ARL5A: variants seen among roughly 807,000 people sequenced by gnomAD.
ARL5A encodes ADP-ribosylation factor-like protein 5A.
In ARL5A, 18 loss-of-function variants were observed where a neutral mutation model predicts 25.9. The observed-to-expected ratio is 0.69, with a 90% CI of 0.48 to 1.03. The LOEUF (loss-of-function observed/expected upper bound fraction) is 1.03. Ranked by LOEUF, ARL5A falls within the 50% of genes least tolerant of loss-of-function variation. The pLI is 0.00. For synonymous variants in ARL5A, 61 were observed against 67.5 expected (o/e 0.90, Z 0.47); for missense variants, 170 against 211.9 (o/e 0.80, Z 1.23).
Position 151,799,108 on chromosome 2 carries a change from T to G in ARL5A, c.*4168A>C, listed in dbSNP as rs2151289602. ...ATTTCTGGCTTTCTTTCCTTTTTAC[T>G]CTATTATCATGGTCTTAAAATAATC... On this transcript the variant is annotated 3_prime_UTR_variant, in exon 6 of 6. Coordinates refer to ENST00000295087, the MANE Select transcript of ARL5A (RefSeq NM_012097.4). 1 of 152,352 alleles carries G rather than the reference T, an allele frequency of 6.6e-6. No individual in the cohort carries two copies. The highest frequency in any genetic ancestry group is 1.5e-5 in the Non-Finnish European group (1 of 68,036). 9.4% of individuals were successfully genotyped at this position (152,352 alleles called of 1,614,324 possible).
intron 1 of ARL5A, among the ~76,000 whole-genome samples, chr2:151,817,808 C>T (rs2099831718): frequency 6.6e-6 from 1 of 152,160 alleles, no homozygotes; most frequent in Non-Finnish European, 1.5e-5. Context: ...GAGTTCAAGA[C>T]CAACATGACC....
At chr2:151,817,434 T>C (rs893377802) in intron 1 of ARL5A, among the ~76,000 whole-genome samples, 1 of 152,240 alleles carries the variant, frequency 6.6e-6, no homozygotes, top group Non-Finnish European at 1.5e-5. Flanking sequence ...TAATAAATGT[T>C]GAGGATTATA....
chr2:151,819,700 T>C (rs1559822520), intron 1 of ARL5A, among the ~76,000 whole-genome samples: 1 of 151,328 alleles, frequency 6.6e-6, no homozygotes, highest in East Asian at 1.9e-4. Context: ...ATTCCAAACC[T>C]GGTGCTTTTC....
intron 1 of ARL5A, among the ~76,000 whole-genome samples, chr2:151,826,417 T>G (rs1373581155): frequency 1.3e-5 from 2 of 152,208 alleles, no homozygotes; most frequent in Non-Finnish European, 2.9e-5. Flanking sequence ...CCCTTATTAT[T>G]TACTACTCCA....
At chr2:151,807,715 A>C (rs773989279) in intron 4 of ARL5A, among the ~76,000 whole-genome samples, 37 of 152,300 alleles carry the variant, frequency 2.4e-4, no homozygotes, top group Middle Eastern at 6.8e-3. Flanking sequence ...TTAGATTTGA[A>C]TATGTAATAC....
chr2:151,827,798 G>C (rs1407921309), intron 1 of ARL5A: 1 of 346,980 alleles, frequency 2.9e-6, no homozygotes, highest in East Asian at 8.4e-5. Context: ...GCAAAGAAAG[G>C]GCTGAAAGAC....
At chr2:151,822,817 A>AAT (rs1413482816) in intron 1 of ARL5A, among the ~76,000 whole-genome samples, 2 of 152,244 alleles carry the variant, frequency 1.3e-5, no homozygotes, top group African/African-American at 4.8e-5. Flanking sequence ...GTTACCAATT[A>AAT]GGCTTTAACA....
chr2:151,805,753 G>A (rs1375826569), intron 5 of ARL5A, among the ~76,000 whole-genome samples: 4 of 152,076 alleles, frequency 2.6e-5, no homozygotes, highest in Non-Finnish European at 5.9e-5. Context: ...AACAGTTATT[G>A]TAAACATATA....
At chr2:151,809,740 C>T (rs1045556680) in intron 4 of ARL5A, among the ~76,000 whole-genome samples, 1 of 152,196 alleles carries the variant, frequency 6.6e-6, no homozygotes, top group South Asian at 2.1e-4. Context: ...TTGCAAGACA[C>T]ATTTACTTAG....
At position 151,814,783 on chromosome 2, in the gene ARL5A, C is replaced by T. The variant is rs551368176; in HGVS notation, c.107+356G>A. Among the ~76,000 whole-genome samples the T allele has an allele frequency of 2.6e-5, 4 of 151,768 alleles. 1 individual carries two copies. The highest frequency in any genetic ancestry group is 9.7e-5 in the African/African-American group (4 of 41,370). Reference sequence around the variant, plus strand: ...AAGAGATGGCATCTCACTATGTGACCCAAGCGGTTTCTCAAAGTCCTGGCT... The same window carrying T: ...AAGAGATGGCATCTCACTATGTGACTCAAGCGGTTTCTCAAAGTCCTGGCT... On this transcript the variant is annotated intron_variant, in intron 2 of 5. Transcript: ENST00000295087.
intron 5 of ARL5A, among the ~76,000 whole-genome samples, chr2:151,804,168 A>G (rs1305286071): frequency 2.6e-5 from 4 of 152,242 alleles, no homozygotes; most frequent in Non-Finnish European, 5.9e-5. Context: ...CACATGTTAC[A>G]TAAATATTAT....
rs1444644589 is a variant in ARL5A at position 151,799,618 on chromosome 2, A to T, written c.*3658T>A. The T allele has an allele frequency of 6.6e-6, 1 of 152,244 alleles. No homozygotes were observed. The highest frequency in any genetic ancestry group is 1.5e-5 in the Non-Finnish European group (1 of 68,034). 9.4% of individuals were successfully genotyped at this position (152,244 alleles called of 1,614,324 possible). A position where few individuals can be genotyped will look rare whatever the true frequency, so the allele number is the denominator to read the frequency against. On this transcript the variant is annotated 3_prime_UTR_variant, in exon 6 of 6. Transcript: ENST00000295087. Reference sequence around the variant, plus strand: ...AACATGTGAAGTTAAATTAAGAAGCATGAAAATGTTAAATATAATTTAAAG... The same window carrying T: ...AACATGTGAAGTTAAATTAAGAAGCTTGAAAATGTTAAATATAATTTAAAG...
chr2:151,825,877 C>G (rs934189634), intron 1 of ARL5A, among the ~76,000 whole-genome samples: 2 of 151,396 alleles, frequency 1.3e-5, no homozygotes, highest in Non-Finnish European at 2.9e-5. Flanking sequence ...GTAATCCCAG[C>G]ACTTTGGGAG....
In ARL5A at chr2:151,800,118, G is replaced by A. The variant is rs973427588; in HGVS notation, c.*3158C>T. 1 of 152,198 alleles carries A rather than the reference G, an allele frequency of 6.6e-6. No homozygotes were observed. The highest frequency in any genetic ancestry group is 2.4e-5 in the African/African-American group (1 of 41,438). The allele number at this position is 152,198 out of a possible 1,614,324, so 9.4% of individuals were successfully genotyped here. On this transcript the variant is annotated 3_prime_UTR_variant, in exon 6 of 6. Coordinates refer to ENST00000295087, the MANE Select transcript of ARL5A (RefSeq NM_012097.4). ...GGTATTATCTCCTGTATACAAAGCA[G>A]AGCCTATTACACGTACATTCCCAAA... is the stretch of plus-strand genomic sequence containing the variant.
intron 1 of ARL5A, among the ~76,000 whole-genome samples, chr2:151,824,807 G>A (rs767413907): frequency 2.6e-5 from 4 of 152,150 alleles, no homozygotes; most frequent in Non-Finnish European, 4.4e-5. Flanking sequence ...AAATCCAGGT[G>A]TGTGTGCGTA....
intron 1 of ARL5A, among the ~76,000 whole-genome samples, chr2:151,825,307 G>A (rs1490540302): frequency 1.3e-5 from 2 of 152,078 alleles, no homozygotes; most frequent in African/African-American, 2.4e-5. Flanking sequence ...GGAGGAGGGA[G>A]GGAAAAATGA....
chr2:151,812,721 CTA>C (rs2099830998), intron 3 of ARL5A, among the ~76,000 whole-genome samples: 1 of 151,926 alleles, frequency 6.6e-6, no homozygotes, highest in African/African-American at 2.4e-5. Flanking sequence ...GCTAATGGAC[CTA>C]TATCTATCTA....
chr2:151,823,632 T>C (rs1413117994), intron 1 of ARL5A, among the ~76,000 whole-genome samples: 1 of 152,004 alleles, frequency 6.6e-6, no homozygotes, highest in Non-Finnish European at 1.5e-5. Flanking sequence ...ATAAAGGTCC[T>C]CCCCCTCCCT....
At chr2:151,814,505 T>C (rs1006704597) in intron 2 of ARL5A, among the ~76,000 whole-genome samples, 189 bp from the exon 3 acceptor site, 1 of 152,140 alleles carries the variant, frequency 6.6e-6, no homozygotes, top group Non-Finnish European at 1.5e-5. Flanking sequence ...ATCTGGCATA[T>C]ACTAGGTCAT....
Sources: allele counts gnomAD v4.1 joint callset (sites outside exome capture counted in the v4.1 genomes callset), GRCh38; gene constraint gnomAD v4.1.1; transcripts MANE v1.5; gene names NCBI Gene and HGNC (gene_info 2026-07-23, HGNC 2026-07-21).